PTBP2: variants seen among roughly 807,000 people sequenced by gnomAD.
PTBP2 encodes polypyrimidine tract binding protein 2, also known as polypyrimidine tract-binding protein 2.
A neutral mutation model predicts 61.4 loss-of-function variants in PTBP2; 13 were observed. The ratio of observed to expected loss-of-function variants is 0.21; its 90% CI spans 0.14 to 0.34. The LOEUF (loss-of-function observed/expected upper bound fraction) is 0.34, where lower values mean the gene tolerates loss of function less well. Among genes scored for constraint, PTBP2 ranks in the 10% least tolerant of loss-of-function variants. The pLI is 1.00. For synonymous variants in PTBP2, 215 were observed against 218.5 expected (o/e 0.98, Z 0.14); for missense variants, 405 against 642.6 (o/e 0.63, Z 4.00).
intron 3 of PTBP2, among the ~76,000 whole-genome samples, chr1:96,752,355 A>T (rs1184744259): frequency 6.6e-6 from 1 of 152,134 alleles, no homozygotes; most frequent in Non-Finnish European, 1.5e-5. Flanking sequence ...TTGGCAATAA[A>T]AGGATCATGA....
In PTBP2 at chr1:96,769,692, A is replaced by G. The variant is rs1657168094; in HGVS notation, c.116-11A>G. The G allele has an allele frequency of 6.5e-7, 1 of 1,535,956 alleles. No homozygotes were observed. The highest frequency in any genetic ancestry group is 8.8e-7 in the Non-Finnish European group (1 of 1,141,370). ...GTTGATATATAAGGACTGTTTTTTA[A>G]TGTCTTTCAGCCAATGGTAATGATA... is the stretch of plus-strand genomic sequence containing the variant. On this transcript the variant is annotated splice_polypyrimidine_tract_variant and intron_variant, in intron 3 of 13. Transcript: ENST00000674951.
intron 3 of PTBP2, among the ~76,000 whole-genome samples, chr1:96,753,757 A>G (rs2100923959): frequency 6.6e-6 from 1 of 152,318 alleles, no homozygotes; most frequent in Admixed American, 6.5e-5. Context: ...GCATGTAGAA[A>G]TATTCTAATT....
At chr1:96,725,271 A>T in intron 2 of PTBP2, among the ~76,000 whole-genome samples, 1 of 151,048 alleles carries the variant, frequency 6.6e-6, no homozygotes, top group East Asian at 1.9e-4. Context: ...TTGGAATAGG[A>T]TGTCCAGGTG....
chr1:96,724,360 C>T (rs1055206153), intron 2 of PTBP2, among the ~76,000 whole-genome samples: 3 of 151,868 alleles, frequency 2.0e-5, no homozygotes, highest in African/African-American at 7.3e-5. Context: ...AAGCAGTTCT[C>T]CTGCCTCAGC....
At chr1:96,723,409 AAGT>A (rs1176148833) in intron 1 of PTBP2, among the ~76,000 whole-genome samples, 152 bp from the exon 2 acceptor site, 1 of 152,246 alleles carries the variant, frequency 6.6e-6, no homozygotes, top group Non-Finnish European at 1.5e-5. Flanking sequence ...CAGTACAGGT[AAGT>A]CACGGATCAT....
At chr1:96,822,767 G>C (rs1269629115) in exon 14 of PTBP2, 1 of 152,124 alleles carries the variant, frequency 6.6e-6, no homozygotes, top group Admixed American at 6.6e-5. Flanking sequence ...GTAAAGCTGC[G>C]TAATACTTTG....
chr1:96,780,236 C>G (rs989958019), intron 7 of PTBP2, among the ~76,000 whole-genome samples: 2 of 150,296 alleles, frequency 1.3e-5, no homozygotes, highest in African/African-American at 4.9e-5. Flanking sequence ...TCATTTATTT[C>G]TCTCTATATT....
At chr1:96,770,936 G>A in intron 5 of PTBP2, 85 bp downstream of exon 5, 1 of 1,175,582 alleles carries the variant, frequency 8.5e-7, no homozygotes, top group Non-Finnish European at 1.2e-6. Flanking sequence ...ATGTTTACCT[G>A]TTCAGATGTT....
intron 2 of PTBP2, among the ~76,000 whole-genome samples, chr1:96,732,075 A>G (rs567916449): frequency 1.3e-5 from 2 of 152,336 alleles, no homozygotes; most frequent in South Asian, 2.1e-4. Context: ...CAACTAATAA[A>G]TAACCTGTTT....
chr1:96,749,934 T>C (rs11165713), intron 2 of PTBP2, among the ~76,000 whole-genome samples: 1,703 of 152,272 alleles, frequency 0.011, 34 homozygotes, highest in African/African-American at 0.039. Context: ...GAGCACCCTT[T>C]CTTAATACAG....
chr1:96,813,519 G>GT lies in PTBP2; in HGVS notation c.*117dup, dbSNP rs1662269992. 1.8e-6 allele frequency: 2 copies of GT among 1,112,252 alleles called. No individual in the cohort carries two copies. The highest frequency in any genetic ancestry group is 1.2e-6 in the Non-Finnish European group (1 of 828,390). 68.9% of individuals were successfully genotyped at this position (1,112,252 alleles called of 1,614,324 possible). ...TTTTTTTTGTTTTTGTTTTTTTGGG[G>GT]TTTCTTTTTTTTTTCCATGCTGTTA... On this transcript the variant is annotated 3_prime_UTR_variant, in exon 14 of 14. Transcript: ENST00000674951.
chr1:96,726,054 G>A (rs1447514358), intron 2 of PTBP2, among the ~76,000 whole-genome samples: 1 of 102,768 alleles, frequency 9.7e-6, no homozygotes, highest in Non-Finnish European at 1.8e-5. Flanking sequence ...CAGCCTGGGC[G>A]ACAGAGACAG....
intron 7 of PTBP2, among the ~76,000 whole-genome samples, chr1:96,784,037 G>A (rs1019943065): frequency 3.3e-5 from 5 of 152,058 alleles, no homozygotes; most frequent in African/African-American, 1.2e-4. Flanking sequence ...CCAGAGGTGA[G>A]AATATTTGAA....
At chr1:96,772,425 A>G (rs1358062921) in intron 5 of PTBP2, among the ~76,000 whole-genome samples, 3 of 152,156 alleles carry the variant, frequency 2.0e-5, no homozygotes, top group Non-Finnish European at 4.4e-5. Flanking sequence ...ATGCCAGGAA[A>G]TGGGGTTGAG....
At chr1:96,767,303 T>C (rs1002876209) in intron 3 of PTBP2, among the ~76,000 whole-genome samples, 1 of 152,132 alleles carries the variant, frequency 6.6e-6, no homozygotes, top group African/African-American at 2.4e-5. Context: ...GGGAATTATT[T>C]TTGGAAAATC....
chr1:96,732,644 G>C (rs1351288034), intron 2 of PTBP2, among the ~76,000 whole-genome samples: 1 of 152,198 alleles, frequency 6.6e-6, no homozygotes, highest in African/African-American at 2.4e-5. Flanking sequence ...AAGGACTCAA[G>C]GTTTTAATTA....
rs367894207 is a variant in PTBP2 at position 96,733,250 on chromosome 1, C to T, written c.39+9656C>T. On this transcript the variant is annotated intron_variant, in intron 2 of 13. Coordinates refer to ENST00000674951, the MANE Select transcript of PTBP2 (RefSeq NM_021190.4). ...AGACTCTGTCTCACATCACATCACT[C>T]CGACACATTCTTGTGCCTCCGTTTC... Among the ~76,000 whole-genome samples, 349 of 152,192 alleles carry T rather than the reference C, an allele frequency of 2.3e-3. 2 individuals carry two copies. The highest frequency in any genetic ancestry group is 8.2e-3 in the African/African-American group (342 of 41,480).
rs373815292 is a variant in PTBP2, at chr1:96,799,294, C to CTTTTTTTTTTTTTTTTT, written c.905-5503_905-5487dup. 8.5e-4 allele frequency among the ~76,000 whole-genome samples: 78 copies of CTTTTTTTTTTTTTTTTT among 92,156 alleles called. 6 individuals are homozygous for CTTTTTTTTTTTTTTTTT. Among genetic ancestry groups the CTTTTTTTTTTTTTTTTT allele is most frequent in the East Asian group, 9.7e-4 (3 of 3,090 alleles). 60.5% of individuals were successfully genotyped at this position (92,156 alleles called of 152,430 possible). ...ATAGCAATCCTCAGAATAGATCAAG[C>CTTTTTTTTTTTTTTTTT]TTTTTTTTTTTTTTTTTTTGAGATG... On this transcript the variant is annotated intron_variant, in intron 8 of 13. Coordinates refer to ENST00000674951, the MANE Select transcript of PTBP2 (RefSeq NM_021190.4).
chr1:96,742,673 T>G (rs1653192924), intron 2 of PTBP2, among the ~76,000 whole-genome samples: 1 of 151,514 alleles, frequency 6.6e-6, no homozygotes, highest in African/African-American at 2.4e-5. Flanking sequence ...TTTTTTTTTT[T>G]TTTTTTACTT....
Sources: allele counts gnomAD v4.1 joint callset (sites outside exome capture counted in the v4.1 genomes callset), GRCh38; gene constraint gnomAD v4.1.1; transcripts MANE v1.5; gene names NCBI Gene and HGNC (gene_info 2026-07-23, HGNC 2026-07-21).